Variants in PSMB7 observed in about 807,000 individuals in gnomAD.
PSMB7 encodes proteasome 20S subunit beta 7, also known as proteasome subunit beta type-7.
In PSMB7, 5 loss-of-function variants were observed where a neutral mutation model predicts 28.1. That is an observed-to-expected ratio of 0.18 (90% CI 0.09 to 0.37). The LOEUF is 0.37. Ranked by LOEUF, PSMB7 falls within the 10% of genes least tolerant of loss-of-function variation. The pLI is 1.00. For synonymous variants in PSMB7, 122 were observed against 123.7 expected (o/e 0.99, Z 0.09); for missense variants, 275 against 346.2 (o/e 0.79, Z 1.63).
intron 4 of PSMB7, among the ~76,000 whole-genome samples, chr9:124,407,391 A>C (rs1440038006): frequency 2.6e-5 from 4 of 152,166 alleles, no homozygotes; most frequent in Non-Finnish European, 5.9e-5. Context: ...AGAGCCCCAG[A>C]CAAGGGAAGA....
intron 4 of PSMB7, among the ~76,000 whole-genome samples, chr9:124,407,959 C>T (rs538334116): frequency 6.6e-6 from 1 of 152,226 alleles, no homozygotes; most frequent in South Asian, 2.1e-4. Flanking sequence ...CCAGCCTAAG[C>T]AACATAGTGA....
At chr9:124,358,823 G>A (rs1338331489) in intron 6 of PSMB7, among the ~76,000 whole-genome samples, 1 of 152,250 alleles carries the variant, frequency 6.6e-6, no homozygotes, top group Non-Finnish European at 1.5e-5. Flanking sequence ...GGTGTCTAGA[G>A]CCAGCCAGCA....
chr9:124,406,771 T>C (rs1345326953), intron 4 of PSMB7, among the ~76,000 whole-genome samples: 1 of 152,142 alleles, frequency 6.6e-6, no homozygotes, highest in African/African-American at 2.4e-5. Flanking sequence ...CTCCACTTAA[T>C]TGTGCACATA....
At chr9:124,415,227 T>A (rs913836896) in intron 1 of PSMB7, 137 bp downstream of exon 1, 7 of 970,480 alleles carry the variant, frequency 7.2e-6, no homozygotes, top group African/African-American at 1.6e-5. Context: ...CTGATTCCCC[T>A]GAGTCACACT....
At chr9:124,391,310 G>A (rs183694352) in intron 5 of PSMB7, among the ~76,000 whole-genome samples, 2 of 152,334 alleles carry the variant, frequency 1.3e-5, no homozygotes, top group Admixed American at 1.3e-4. Context: ...TGAATTTAAA[G>A]TGTGCGATGT....
intron 6 of PSMB7, chr9:124,383,507 G>C (rs1023676298): frequency 6.6e-6 from 1 of 152,106 alleles, no homozygotes; most frequent in African/African-American, 2.4e-5. Context: ...ACTTTCTCTG[G>C]CTTTGACAGC....
chr9:124,414,192 C>G (rs1379360118), intron 2 of PSMB7, among the ~76,000 whole-genome samples, 187 bp from the exon 3 acceptor site: 1 of 152,146 alleles, frequency 6.6e-6, no homozygotes, highest in Non-Finnish European at 1.5e-5. Flanking sequence ...TTAGTAAATG[C>G]TACTAATTGA....
rs1164339420 is a variant in PSMB7, at chr9:124,382,200, C to CTTTT, written c.570+2394_570+2397dup. 2.6e-3 allele frequency among the ~76,000 whole-genome samples: 143 copies of CTTTT among 55,976 alleles called. 4 individuals carry two copies. Among genetic ancestry groups the CTTTT allele is most frequent in the Admixed American group, 3.4e-3 (11 of 3,202 alleles). The allele number at this position is 55,976 out of a possible 152,430, so 36.7% of individuals were successfully genotyped here. A position where few individuals can be genotyped will look rare whatever the true frequency, so the allele number is the denominator to read the frequency against. On this transcript the variant is annotated intron_variant, in intron 6 of 7. Coordinates refer to ENST00000259457, the MANE Select transcript of PSMB7 (RefSeq NM_002799.4). The stretch of plus-strand genomic sequence containing the variant: ...GAGACTCTGTCTCTCTCTCTTTTCT[C>CTTTT]TTTTTTTTTTTTTTTTTTTTTTTTT...
At position 124,393,759 on chromosome 9, in the gene PSMB7, C is replaced by T. The variant is rs7857890; in HGVS notation, c.512-9103G>A. On this transcript the variant is annotated intron_variant, in intron 5 of 7. Coordinates refer to ENST00000259457, the MANE Select transcript of PSMB7 (RefSeq NM_002799.4). ...ATTCTTCAGAAAAGACTAACAATCA[C>T]GGCATCAGGGCCTAAAATGTGAGAG... is the stretch of plus-strand genomic sequence containing the variant. Among the ~76,000 whole-genome samples, 861 of 152,330 alleles carry T rather than the reference C, an allele frequency of 5.7e-3. 14 individuals are homozygous for T. The highest frequency in any genetic ancestry group is 0.019 in the African/African-American group (805 of 41,564).
At chr9:124,415,287 A>T (rs1588585639) in intron 1 of PSMB7, 77 bp downstream of exon 1, 5 of 1,445,548 alleles carry the variant, frequency 3.5e-6, no homozygotes, top group East Asian at 2.3e-5. Flanking sequence ...GAATTCTCGT[A>T]TCACACCTTG....
intron 7 of PSMB7, among the ~76,000 whole-genome samples, chr9:124,354,930 C>T (rs1037587874): frequency 2.0e-5 from 3 of 152,230 alleles, no homozygotes; most frequent in Non-Finnish European, 4.4e-5. Context: ...TCAGAGCTTC[C>T]GCCTTACGTG....
At chr9:124,382,193 CTT>C (rs1232589183) in intron 6 of PSMB7, among the ~76,000 whole-genome samples, 1 of 110,598 alleles carries the variant, frequency 9.0e-6, no homozygotes, top group Non-Finnish European at 1.8e-5. Context: ...GTCTCTCTCT[CTT>C]TTCTCTTTTT....
intron 6 of PSMB7, among the ~76,000 whole-genome samples, chr9:124,372,895 T>C (rs1830576498): frequency 6.6e-6 from 1 of 152,214 alleles, no homozygotes; most frequent in Admixed American, 6.5e-5. Context: ...CCCTGTATGG[T>C]AGGAAGCAAA....
chr9:124,397,604 TCTTA>T (rs1397656892), intron 5 of PSMB7, among the ~76,000 whole-genome samples: 1 of 152,196 alleles, frequency 6.6e-6, no homozygotes, highest in Non-Finnish European at 1.5e-5. Flanking sequence ...AGCTTCCAGC[TCTTA>T]CTGTCAAATC....
At chr9:124,398,212 C>A (rs1490711505) in intron 5 of PSMB7, among the ~76,000 whole-genome samples, 2 of 150,870 alleles carry the variant, frequency 1.3e-5, no homozygotes, top group Non-Finnish European at 2.9e-5. Context: ...ATTCTGAGTT[C>A]TCTCTCAATA....
At chr9:124,371,234 TATGCCAA>T (rs1830559121) in intron 6 of PSMB7, among the ~76,000 whole-genome samples, 1 of 152,266 alleles carries the variant, frequency 6.6e-6, no homozygotes, top group African/African-American at 2.4e-5. Context: ...ATTAACAATT[TATGCCAA>T]ATTACCTGCC....
intron 5 of PSMB7, among the ~76,000 whole-genome samples, chr9:124,403,891 T>C (rs1464106087): frequency 1.3e-5 from 2 of 151,684 alleles, no homozygotes; most frequent in Admixed American, 6.6e-5. Flanking sequence ...CTGACATTTT[T>C]TTTTTTTTTT....
intron 5 of PSMB7, among the ~76,000 whole-genome samples, chr9:124,397,868 T>C (rs915526503): frequency 6.6e-6 from 1 of 152,158 alleles, no homozygotes; most frequent in Non-Finnish European, 1.5e-5. Flanking sequence ...ATAATAAGCA[T>C]GAGTTAAAAC....
At chr9:124,407,699 CTCTAT>C (rs1272904672) in intron 4 of PSMB7, among the ~76,000 whole-genome samples, 2 of 152,136 alleles carry the variant, frequency 1.3e-5, no homozygotes, top group Non-Finnish European at 2.9e-5. Context: ...ACTACCAGGA[CTCTAT>C]TCTAAGGATA....
Sources: allele counts gnomAD v4.1 joint callset (sites outside exome capture counted in the v4.1 genomes callset), GRCh38; gene constraint gnomAD v4.1.1; transcripts MANE v1.5; gene names NCBI Gene and HGNC (gene_info 2026-07-23, HGNC 2026-07-21).